The following PARD3B variants were observed in gnomAD, a reference collection of about 807,000 sequenced individuals.
PARD3B encodes the protein par-3 family cell polarity regulator beta.
PARD3B carries 103 observed loss-of-function variants against 130.2 expected under a neutral mutation model. The observed-to-expected ratio is 0.79, with a 90% confidence interval of 0.67 to 0.93. PARD3B has a LOEUF of 0.93. Among genes scored for constraint, PARD3B ranks in the 40% least tolerant of loss-of-function variants. PARD3B has a pLI of 0.00. For missense variants in PARD3B, 1,609 were observed against 1,499.2 expected (o/e 1.07, Z -1.21); for synonymous variants, 583 against 553.2 (o/e 1.05, Z -0.76).
rs536965752 is a variant in PARD3B at position 205,007,973 on chromosome 2, C to A, written c.395-39608C>A. 2.6e-5 allele frequency among the ~76,000 whole-genome samples: 4 copies of A among 152,100 alleles called. No individual in the cohort carries two copies. In the East Asian group the frequency reaches 7.7e-4, roughly 29 times the overall value. On this transcript the variant is annotated intron_variant, in intron 3 of 22. Coordinates refer to ENST00000406610, the MANE Select transcript of PARD3B (RefSeq NM_001302769.2). Reference sequence around the variant, plus strand: ...AGCTGTTGCAAAAAAGATTGAGTTCCTGGTTTGATTCTCAGCTTGGTTGTT... The same window carrying A: ...AGCTGTTGCAAAAAAGATTGAGTTCATGGTTTGATTCTCAGCTTGGTTGTT...
chr2:205,147,742 T>C (rs917872717), intron 10 of PARD3B, among the ~76,000 whole-genome samples: 6 of 152,214 alleles, frequency 3.9e-5, no homozygotes, highest in African/African-American at 1.4e-4. Flanking sequence ...ATATTTAAGA[T>C]AGTCACATTA....
intron 19 of PARD3B, among the ~76,000 whole-genome samples, chr2:205,404,659 A>G (rs1479843636): frequency 6.6e-6 from 1 of 151,922 alleles, no homozygotes; most frequent in African/African-American, 2.4e-5. Context: ...GTCTGTTCCC[A>G]TTTTTATCCC....
At chr2:205,102,566 G>T (rs1285687884) in intron 4 of PARD3B, among the ~76,000 whole-genome samples, 2 of 151,978 alleles carry the variant, frequency 1.3e-5, no homozygotes, top group African/African-American at 4.8e-5. Flanking sequence ...ACCATGAAGT[G>T]TTCTTTAGCC....
intron 5 of PARD3B, among the ~76,000 whole-genome samples, chr2:205,112,060 C>T (rs904628313): frequency 1.3e-5 from 2 of 151,938 alleles, no homozygotes; most frequent in Admixed American, 1.3e-4. Context: ...TGTTCATATC[C>T]TCAAATATAT....
At chr2:204,865,269 G>C (rs2045362946) in intron 2 of PARD3B, among the ~76,000 whole-genome samples, 1 of 152,146 alleles carries the variant, frequency 6.6e-6, no homozygotes. Flanking sequence ...CCACTCCTGG[G>C]CATCTACCCA....
intron 20 of PARD3B, among the ~76,000 whole-genome samples, chr2:205,489,548 G>GCCA (rs1553524239): frequency 1.5e-3 from 10 of 6,624 alleles, no homozygotes; most frequent in Admixed American, 3.2e-3. Context: ...GCATATATAT[G>GCCA]TATATATATA....
chr2:205,579,917 G>A (rs1465844924), intron 22 of PARD3B, among the ~76,000 whole-genome samples: 6 of 152,060 alleles, frequency 3.9e-5, no homozygotes, highest in Admixed American at 6.5e-5. Context: ...CTTGGACTGT[G>A]TATCATTGTA....
chr2:205,357,297 G>A (rs186918413), intron 18 of PARD3B, among the ~76,000 whole-genome samples: 246 of 152,300 alleles, frequency 1.6e-3, no homozygotes, highest in African/African-American at 5.7e-3. Context: ...GCATTTTGAG[G>A]ACATGACTAG....
intron 1 of PARD3B, among the ~76,000 whole-genome samples, chr2:204,578,967 G>T (rs573387101): frequency 1.3e-5 from 2 of 152,110 alleles, no homozygotes; most frequent in East Asian, 3.9e-4. Flanking sequence ...GTGTACTGAG[G>T]GGAACCAGGA....
chr2:205,304,773 T>C (rs2042132147), intron 18 of PARD3B, among the ~76,000 whole-genome samples: 2 of 151,106 alleles, frequency 1.3e-5, no homozygotes, highest in Non-Finnish European at 3.0e-5. Flanking sequence ...CCCATTTCCA[T>C]AAAAAAAGGA....
intron 1 of PARD3B, among the ~76,000 whole-genome samples, chr2:204,548,222 A>G (rs954479097): frequency 2.6e-5 from 4 of 152,172 alleles, no homozygotes; most frequent in Admixed American, 2.6e-4. Context: ...TTTTTTTTAA[A>G]TGAGAAAAGG....
chr2:204,940,739 G>A (rs1015530010), intron 2 of PARD3B, among the ~76,000 whole-genome samples: 2 of 152,016 alleles, frequency 1.3e-5, no homozygotes, highest in Non-Finnish European at 2.9e-5. Context: ...TTAGAGCTTA[G>A]GTCTGAGTTG....
intron 1 of PARD3B, among the ~76,000 whole-genome samples, chr2:204,662,243 AC>A (rs1220298095): frequency 2.0e-5 from 3 of 152,190 alleles, no homozygotes; most frequent in Non-Finnish European, 4.4e-5. Flanking sequence ...TATTAATATT[AC>A]CACTGATCTT....
chr2:204,571,494 C>T (rs1412087654), intron 1 of PARD3B, among the ~76,000 whole-genome samples: 3 of 152,176 alleles, frequency 2.0e-5, no homozygotes, highest in Admixed American at 6.5e-5. Flanking sequence ...TGTGTATGTC[C>T]ATGCAAACAA....
chr2:205,082,154 ATAAT>A (rs1157672587), intron 4 of PARD3B, among the ~76,000 whole-genome samples: 1 of 152,208 alleles, frequency 6.6e-6, no homozygotes, highest in African/African-American at 2.4e-5. Context: ...ATTGGCATAA[ATAAT>A]AGAATTCCTT....
chr2:205,021,594 TTCTC>T lies in PARD3B; in HGVS notation c.395-25964_395-25961del, dbSNP rs372636581. On this transcript the variant is annotated intron_variant, in intron 3 of 22. Coordinates refer to ENST00000406610, the MANE Select transcript of PARD3B (RefSeq NM_001302769.2). The surrounding 1 kb of genome is among the most constrained non-coding windows in gnomAD (Gnocchi z 4.5). ...TATGCTCTCTTCTCTCTCTCTTCTC[TTCTC>T]TCTCTCTCTCTCTCTCTCTCTCCCT... Among the ~76,000 whole-genome samples, 5,800 of 144,742 alleles carry T rather than the reference TTCTC, an allele frequency of 0.04. 264 individuals carry two copies. The highest frequency in any genetic ancestry group is 0.13 in the African/African-American group (4,939 of 39,072). The allele number at this position is 144,742 out of a possible 152,430, so 95.0% of individuals were successfully genotyped here. A position where few individuals can be genotyped will look rare whatever the true frequency, so the allele number is the denominator to read the frequency against.
intron 18 of PARD3B, among the ~76,000 whole-genome samples, chr2:205,353,668 C>A (rs539172502): frequency 3.3e-5 from 5 of 152,110 alleles, no homozygotes; most frequent in Non-Finnish European, 7.4e-5. Context: ...AGACTGGGGC[C>A]TGGAGAAGTG....
At chr2:205,219,499 C>A (rs1418713582) in intron 15 of PARD3B, among the ~76,000 whole-genome samples, 1 of 152,204 alleles carries the variant, frequency 6.6e-6, no homozygotes, top group Non-Finnish European at 1.5e-5. Context: ...GCATATTAAA[C>A]AGATGATAGT....
chr2:204,607,985 C>T (rs2033787558), intron 1 of PARD3B, among the ~76,000 whole-genome samples: 1 of 152,154 alleles, frequency 6.6e-6, no homozygotes, highest in African/African-American at 2.4e-5. Flanking sequence ...TGCCCATGTG[C>T]ACACCCTGTT....
Sources: allele counts gnomAD v4.1 joint callset (sites outside exome capture counted in the v4.1 genomes callset), GRCh38; gene constraint gnomAD v4.1.1; non-coding constraint Gnocchi (gnomAD v3.1); transcripts MANE v1.5; gene names NCBI Gene and HGNC (gene_info 2026-07-23, HGNC 2026-07-21).